KCNH7: variants seen among roughly 807,000 people sequenced by gnomAD.
KCNH7 encodes the protein voltage-gated inwardly rectifying potassium channel KCNH7.
KCNH7 carries 49 observed loss-of-function variants against 120.8 expected under a neutral mutation model. The observed-to-expected ratio is 0.41, with a 90% CI of 0.32 to 0.51. The LOEUF (loss-of-function observed/expected upper bound fraction) is 0.51. Ranked by LOEUF, KCNH7 falls within the 20% of genes least tolerant of loss-of-function variation. The pLI is 0.38. For synonymous variants in KCNH7, 547 were observed against 516.1 expected (o/e 1.06, Z -0.81); for missense variants, 1,097 against 1,446.6 (o/e 0.76, Z 3.92).
At chr2:162,436,296 A>G (rs1688235883) in intron 7 of KCNH7, among the ~76,000 whole-genome samples, 1 of 152,106 alleles carries the variant, frequency 6.6e-6, no homozygotes, top group African/African-American at 2.4e-5. Context: ...GGGAACACTT[A>G]TTGGATGATT....
In KCNH7 at chr2:162,646,627, G is replaced by T. The variant is rs114012634; in HGVS notation, c.308-109547C>A. On this transcript the variant is annotated intron_variant, in intron 2 of 15. Transcript: ENST00000332142. ...TGGTGGCTGCAAGGGAAAACAGAGAGATTCAAACTCTAAGAAGGACTTGAT... is the reference window on the plus strand; with the variant it reads ...TGGTGGCTGCAAGGGAAAACAGAGATATTCAAACTCTAAGAAGGACTTGAT... Among the ~76,000 whole-genome samples, 163 of 152,312 alleles carry T rather than the reference G, an allele frequency of 1.1e-3. 1 individual carries two copies. The highest frequency in any genetic ancestry group is 3.6e-3 in the African/African-American group (149 of 41,564).
At position 162,518,769 on chromosome 2, in the gene KCNH7, C is replaced by T. The variant is rs371838712; in HGVS notation, c.464-611G>A. Among the ~76,000 whole-genome samples the T allele has an allele frequency of 2.3e-4, 34 of 148,818 alleles. 1 individual carries two copies. Among genetic ancestry groups the T allele is most frequent in the African/African-American group, 7.4e-4 (30 of 40,626 alleles). On this transcript the variant is annotated intron_variant, in intron 3 of 15. Transcript: ENST00000332142. ...CTTAAAGACTTTTGGTTTTAAAGAG[C>T]GATGTACTGTACTGGTAAAGATTTC... is the stretch of plus-strand genomic sequence containing the variant.
At chr2:162,493,108 G>A (rs748457085) in intron 6 of KCNH7, among the ~76,000 whole-genome samples, 1 of 151,920 alleles carries the variant, frequency 6.6e-6, no homozygotes, top group Non-Finnish European at 1.5e-5. Context: ...CTCAAAATTT[G>A]TTTTTGTCTT....
chr2:162,397,043 C>G (rs1013500923), intron 10 of KCNH7, 98 bp from the exon 11 acceptor site: 2 of 771,650 alleles, frequency 2.6e-6, no homozygotes, highest in Non-Finnish European at 2.1e-6. Context: ...TTGATCAATC[C>G]CTGAACCAGA....
intron 2 of KCNH7, among the ~76,000 whole-genome samples, chr2:162,665,974 C>T (rs536548877): frequency 6.6e-5 from 10 of 152,118 alleles, no homozygotes; most frequent in Admixed American, 3.3e-4. Flanking sequence ...ACACTGATAG[C>T]GATTCAAGGG....
At chr2:162,727,294 C>T (rs1218406102) in intron 2 of KCNH7, among the ~76,000 whole-genome samples, 1 of 151,906 alleles carries the variant, frequency 6.6e-6, no homozygotes, top group African/African-American at 2.4e-5. Flanking sequence ...ATTTTTTTGT[C>T]TCAGGGCACA....
chr2:162,507,795 T>G (rs1690934736), intron 5 of KCNH7, among the ~76,000 whole-genome samples: 1 of 151,632 alleles, frequency 6.6e-6, no homozygotes, highest in African/African-American at 2.4e-5. Context: ...CATAATTAAA[T>G]TTTAGTTACT....
intron 2 of KCNH7, among the ~76,000 whole-genome samples, chr2:162,707,297 T>C (rs1314675673): frequency 6.6e-6 from 1 of 152,128 alleles, no homozygotes; most frequent in Non-Finnish European, 1.5e-5. Context: ...TAAAAAGAAC[T>C]AGGATCATTA....
At chr2:162,473,254 C>T (rs888208792) in intron 6 of KCNH7, among the ~76,000 whole-genome samples, 1 of 151,530 alleles carries the variant, frequency 6.6e-6, no homozygotes, top group African/African-American at 2.4e-5. Flanking sequence ...ATAAAAAATA[C>T]TAGAATCATA....
At chr2:162,762,013 A>G (rs932445890) in intron 2 of KCNH7, among the ~76,000 whole-genome samples, 1 of 148,996 alleles carries the variant, frequency 6.7e-6, no homozygotes, top group Admixed American at 6.7e-5. Flanking sequence ...GAGTCCCTCA[A>G]GAATGGGCAG....
intron 6 of KCNH7, among the ~76,000 whole-genome samples, chr2:162,463,944 A>G (rs914458874): frequency 6.6e-6 from 1 of 151,972 alleles, no homozygotes; most frequent in African/African-American, 2.4e-5. Flanking sequence ...TTCTACTGAA[A>G]GCCATTATGA....
rs550768938 is a variant in KCNH7 at position 162,726,080 on chromosome 2, A to G, written c.307+110457T>C. Among the ~76,000 whole-genome samples the G allele has an allele frequency of 2.2e-3, 341 of 152,354 alleles. 1 individual carries two copies. Among genetic ancestry groups the G allele is most frequent in the African/African-American group, 7.7e-3 (320 of 41,580 alleles). ...GGACACTAGTCCACTCATTGCATTTAGTAGAAACATACCTTATCTCTTTTG... is the reference window on the plus strand; with the variant it reads ...GGACACTAGTCCACTCATTGCATTTGGTAGAAACATACCTTATCTCTTTTG... On this transcript the variant is annotated intron_variant, in intron 2 of 15. Transcript: ENST00000332142.
chr2:162,734,395 GA>G lies in KCNH7; in HGVS notation c.307+102141del, dbSNP rs572019054. On this transcript the variant is annotated intron_variant, in intron 2 of 15. Coordinates refer to ENST00000332142, the MANE Select transcript of KCNH7 (RefSeq NM_033272.4). ...ATGTTTTTATAACAATTTTTAATGA[GA>G]AATTATAGTGATCATAGATGTTAAT... Among the ~76,000 whole-genome samples, 121 of 152,132 alleles carry G rather than the reference GA, an allele frequency of 8.0e-4. 1 individual carries two copies. Among genetic ancestry groups the G allele is most frequent in the Middle Eastern group, 3.4e-3 (1 of 294 alleles).
At position 162,565,149 on chromosome 2, in the gene KCNH7, T is replaced by G. The variant is rs189682518; in HGVS notation, c.308-28069A>C. ...TGCCTGCTACTGAGTCTGAATATTG[T>G]CCCTAGGAAGGAGTAATTATTTTCA... On this transcript the variant is annotated intron_variant, in intron 2 of 15. Coordinates refer to ENST00000332142, the MANE Select transcript of KCNH7 (RefSeq NM_033272.4). Among the ~76,000 whole-genome samples the G allele has an allele frequency of 2.1e-3, 314 of 152,218 alleles. 1 individual carries two copies. The highest frequency in any genetic ancestry group is 0.014 in the Middle Eastern group (4 of 294).
At chr2:162,389,071 T>C (rs1686664711) in intron 12 of KCNH7, among the ~76,000 whole-genome samples, 1 of 152,032 alleles carries the variant, frequency 6.6e-6, no homozygotes, top group Non-Finnish European at 1.5e-5. Flanking sequence ...GATTTCCATC[T>C]CTTCGGTTGT....
intron 14 of KCNH7, among the ~76,000 whole-genome samples, chr2:162,376,869 T>C (rs1686213526): frequency 6.6e-6 from 1 of 152,176 alleles, no homozygotes; most frequent in South Asian, 2.1e-4. Flanking sequence ...GCATAATATA[T>C]AAATACAGAA....
At chr2:162,715,608 T>C (rs890010035) in intron 2 of KCNH7, among the ~76,000 whole-genome samples, 1 of 152,178 alleles carries the variant, frequency 6.6e-6, no homozygotes, top group African/African-American at 2.4e-5. Flanking sequence ...AATTGAGCCA[T>C]GTTATTTGCT....
At chr2:162,656,348 T>C (rs1684760983) in intron 2 of KCNH7, among the ~76,000 whole-genome samples, 1 of 152,216 alleles carries the variant, frequency 6.6e-6, no homozygotes, top group Non-Finnish European at 1.5e-5. Context: ...GGTATGTATA[T>C]ATACACACAT....
intron 2 of KCNH7, among the ~76,000 whole-genome samples, chr2:162,540,010 C>T (rs938842900): frequency 6.6e-6 from 1 of 152,028 alleles, no homozygotes; most frequent in Admixed American, 6.6e-5. Context: ...TCACTCTGTG[C>T]TCCTAAGTAT....
Sources: gnomAD v4.1 joint callset for allele counts (sites outside exome capture counted in the v4.1 genomes callset) on GRCh38, gnomAD v4.1.1 for gene constraint, MANE v1.5 for transcripts, NCBI Gene and HGNC (gene_info 2026-07-23, HGNC 2026-07-21) for gene names.